The following NRXN3 variants were observed in gnomAD, a reference collection of about 807,000 sequenced individuals.
NRXN3 encodes the protein neurexin 3.
A neutral mutation model predicts 137.6 loss-of-function variants in NRXN3; 32 were observed. The observed-to-expected ratio is 0.23, with a 90% confidence interval of 0.18 to 0.31. The LOEUF is 0.31. Among genes scored for constraint, NRXN3 ranks in the 10% least tolerant of loss-of-function variants. The pLI is 1.00. For synonymous variants in NRXN3, 798 were observed against 784.5 expected, an observed-to-expected ratio of 1.02 and a Z score of -0.29; for missense variants, 1,574 against 2,062.5, an observed-to-expected ratio of 0.76 and a Z score of 4.59.
intron 15 of NRXN3, among the ~76,000 whole-genome samples, chr14:79,355,683 T>G (rs945038018): frequency 4.6e-5 from 7 of 152,218 alleles, no homozygotes; most frequent in Non-Finnish European, 1.0e-4. Flanking sequence ...CAATAAATAT[T>G]AATGATTTTC....
intron 15 of NRXN3, among the ~76,000 whole-genome samples, chr14:79,465,947 TA>T (rs2096416252): frequency 6.6e-6 from 1 of 152,202 alleles, no homozygotes; most frequent in East Asian, 1.9e-4. Flanking sequence ...CAACTGAAAT[TA>T]AAAATGTGTT....
At position 78,835,168 on chromosome 14, in the gene NRXN3, G is replaced by A. The variant is rs368465999; in HGVS notation, c.2275+24824G>A. The stretch of plus-strand genomic sequence containing the variant: ...GGTTGGAGGGGAGAGAGAGAGAACC[G>A]GCAAAGGGAAGCAGGAGTAGAGAAT... On this transcript the variant is annotated intron_variant, in intron 10 of 20. Transcript: ENST00000335750. Among the ~76,000 whole-genome samples the A allele has an allele frequency of 1.7e-3, 263 of 152,182 alleles. 1 individual carries two copies. Among genetic ancestry groups the A allele is most frequent in the Non-Finnish European group, 2.9e-3 (194 of 68,012 alleles).
chr14:78,778,764 C>CTTTCT (rs1184251559), intron 8 of NRXN3, among the ~76,000 whole-genome samples: 5 of 31,064 alleles, frequency 1.6e-4, no homozygotes, highest in Non-Finnish European at 6.0e-5. Context: ...CTTTCTCTTT[C>CTTTCT]TTTCTTTCTT....
At chr14:79,055,737 T>C (rs764582864) in intron 15 of NRXN3, among the ~76,000 whole-genome samples, 20 of 152,164 alleles carry the variant, frequency 1.3e-4, no homozygotes, top group Admixed American at 3.3e-4. Context: ...ACTTAGGTCC[T>C]GGATAAATAA....
At chr14:78,303,512 A>T (rs1257076318) in intron 4 of NRXN3, among the ~76,000 whole-genome samples, 4 of 152,140 alleles carry the variant, frequency 2.6e-5, no homozygotes, top group Non-Finnish European at 5.9e-5. Flanking sequence ...TTAAAATTAA[A>T]TCGGGTCATG....
chr14:79,293,103 A>T (rs2083466603), intron 15 of NRXN3, among the ~76,000 whole-genome samples: 2 of 152,094 alleles, frequency 1.3e-5, no homozygotes, highest in Non-Finnish European at 2.9e-5. Context: ...GAGCCATTTT[A>T]TGTGTGTGTA....
At chr14:78,477,652 C>G (rs189845271) in intron 4 of NRXN3, among the ~76,000 whole-genome samples, 1 of 152,142 alleles carries the variant, frequency 6.6e-6, no homozygotes, top group Non-Finnish European at 1.5e-5. Context: ...GAACAAATGT[C>G]TTTTCAATTA....
intron 4 of NRXN3, among the ~76,000 whole-genome samples, chr14:78,629,286 T>G (rs2097498399): frequency 6.6e-6 from 1 of 152,220 alleles, no homozygotes; most frequent in Non-Finnish European, 1.5e-5. Flanking sequence ...CTCCTTTCTC[T>G]CTCCTTTCTT....
At chr14:78,270,416 T>C (rs568065149) in intron 2 of NRXN3, among the ~76,000 whole-genome samples, 1 of 152,308 alleles carries the variant, frequency 6.6e-6, no homozygotes, top group Admixed American at 6.5e-5. Context: ...ACAGCTTCCA[T>C]TTCTTTCCCT....
intron 5 of NRXN3, chr14:78,649,364 C>A (rs1017447012): frequency 2.4e-6 from 2 of 816,732 alleles, no homozygotes; most frequent in Admixed American, 6.7e-5. Context: ...GTGTTGCCCC[C>A]CTTTTCCTCT....
intron 1 of NRXN3, among the ~76,000 whole-genome samples, chr14:78,206,469 A>G (rs1260122437): frequency 6.6e-6 from 1 of 152,064 alleles, no homozygotes; most frequent in Admixed American, 6.5e-5. Flanking sequence ...CTGAGTGGGG[A>G]AGAAACTCTC....
In NRXN3 at chr14:78,859,189, T is replaced by C. The variant is rs1268920741; in HGVS notation, c.2275+48845T>C. Among the ~76,000 whole-genome samples the C allele has an allele frequency of 5.3e-5, 8 of 152,218 alleles. No individual in the cohort carries two copies. In the East Asian group the frequency reaches 1.6e-3, roughly 30 times the overall value. On this transcript the variant is annotated intron_variant, in intron 10 of 20. Transcript: ENST00000335750. ...CCACCCCATGAATAAGGTGCCTGCT[T>C]CTCTTTTGCCTTCCACCATGATTGT... is the stretch of plus-strand genomic sequence containing the variant.
chr14:79,405,706 C>A (rs2095296948), intron 15 of NRXN3, among the ~76,000 whole-genome samples: 1 of 152,106 alleles, frequency 6.6e-6, no homozygotes, highest in Non-Finnish European at 1.5e-5. Flanking sequence ...CCCAAACTTT[C>A]TTTTATGTCT....
chr14:78,694,437 G>A (rs2098205056), intron 6 of NRXN3, among the ~76,000 whole-genome samples: 1 of 151,878 alleles, frequency 6.6e-6, no homozygotes, highest in Non-Finnish European at 1.5e-5. Context: ...AATAAGTAGT[G>A]TCTGAATAAT....
At chr14:79,171,855 A>T (rs2061813482) in intron 15 of NRXN3, among the ~76,000 whole-genome samples, 1 of 151,830 alleles carries the variant, frequency 6.6e-6, no homozygotes, top group Non-Finnish European at 1.5e-5. Flanking sequence ...AATAATTCCA[A>T]CTAAGGTAAA....
chr14:78,890,355 T>C (rs1231635962), intron 10 of NRXN3, among the ~76,000 whole-genome samples: 2 of 151,950 alleles, frequency 1.3e-5, no homozygotes, highest in Non-Finnish European at 2.9e-5. Context: ...GAAAATATCA[T>C]TGCCTGGTAT....
At chr14:78,387,777 G>A (rs954949996) in intron 4 of NRXN3, among the ~76,000 whole-genome samples, 2 of 152,152 alleles carry the variant, frequency 1.3e-5, no homozygotes, top group Non-Finnish European at 2.9e-5. Flanking sequence ...GCGAGTGACT[G>A]CCTTCTTTCC....
intron 1 of NRXN3, among the ~76,000 whole-genome samples, chr14:78,239,677 T>C (rs1373179367): frequency 6.6e-6 from 1 of 152,026 alleles, no homozygotes; most frequent in Non-Finnish European, 1.5e-5. Flanking sequence ...GCTGATTCCC[T>C]CACACTCTTT....
At position 78,740,532 on chromosome 14, in the gene NRXN3, CTCTTT is replaced by C. The variant is rs562530390; in HGVS notation, c.2044+25405_2044+25409del. Reference sequence around the variant, plus strand: ...CACTTTAATTTGCAATTTTTTTCTTCTCTTTTCTTTTCTTTTTTTTTTTTTTACAC... The same window carrying C: ...CACTTTAATTTGCAATTTTTTTCTTCTCTTTTCTTTTTTTTTTTTTTACAC... On this transcript the variant is annotated intron_variant, in intron 8 of 20. Coordinates refer to ENST00000335750, the MANE Select transcript of NRXN3 (RefSeq NM_001330195.2). 6.2e-4 allele frequency among the ~76,000 whole-genome samples: 88 copies of C among 141,540 alleles called. No homozygotes were observed. In the South Asian group the frequency reaches 6.7e-3, roughly 11 times the overall value. 92.9% of individuals were successfully genotyped at this position (141,540 alleles called of 152,430 possible). A position where few individuals can be genotyped will look rare whatever the true frequency, so the allele number is the denominator to read the frequency against.
Sources: gnomAD v4.1 joint callset for allele counts (sites outside exome capture counted in the v4.1 genomes callset) on GRCh38, gnomAD v4.1.1 for gene constraint, MANE v1.5 for transcripts, NCBI Gene and HGNC (gene_info 2026-07-23, HGNC 2026-07-21) for gene names.